MAF: variants seen among roughly 807,000 people sequenced by gnomAD.
The protein encoded by MAF is transcription factor Maf.
Under a neutral mutation model 22.0 loss-of-function variants are expected in MAF, and 10 were observed. The observed-to-expected ratio is 0.45, with a 90% CI of 0.28 to 0.77. The LOEUF (loss-of-function observed/expected upper bound fraction) is 0.77. MAF is among the 30% of genes least tolerant of loss of function. MAF has a pLI of 0.12. For synonymous variants in MAF, 337 were observed against 255.8 expected (o/e 1.32, Z -3.03); for missense variants, 544 against 548.4 (o/e 0.99, Z 0.08).
At chr16:79,586,089 G>A in intron 1 of MAF, 1 of 530,674 alleles carries the variant, frequency 1.9e-6, no homozygotes, top group South Asian at 2.9e-5. Context: ...ATTTGCTTTT[G>A]GGTGGTGGCC....
the MAF span, among the ~76,000 whole-genome samples, chr16:79,323,574 G>A: frequency 6.6e-6 from 1 of 152,142 alleles, no homozygotes; most frequent in Non-Finnish European, 1.5e-5. Flanking sequence ...GCCGAGTTTT[G>A]GAAACGCACA....
chr16:79,433,917 C>G, the MAF span, among the ~76,000 whole-genome samples: 1 of 152,164 alleles, frequency 6.6e-6, no homozygotes, highest in African/African-American at 2.4e-5. Flanking sequence ...GAGTTTGTTC[C>G]TTTAGATGGG....
chr16:79,422,980 C>G, the MAF span, among the ~76,000 whole-genome samples: 1 of 151,860 alleles, frequency 6.6e-6, no homozygotes, highest in Non-Finnish European at 1.5e-5. Flanking sequence ...AAGGGGAAAC[C>G]AACTAGGATA....
At chr16:79,276,528 CTT>C in the MAF span, among the ~76,000 whole-genome samples, 1 of 152,250 alleles carries the variant, frequency 6.6e-6, no homozygotes, top group East Asian at 1.9e-4. Flanking sequence ...ATAAAAGAAA[CTT>C]TTAAAATTTG....
At chr16:79,598,675 G>T (rs1913747729) in intron 1 of MAF, 110 bp downstream of exon 1, 3 of 1,553,524 alleles carry the variant, frequency 1.9e-6, no homozygotes, top group East Asian at 2.4e-5. Context: ...GGGGGTGGGG[G>T]TGGTGAGGTG....
At chr16:79,318,235 C>T in the MAF span, among the ~76,000 whole-genome samples, 1 of 152,130 alleles carries the variant, frequency 6.6e-6, no homozygotes, top group Non-Finnish European at 1.5e-5. Flanking sequence ...CCACCTGTTC[C>T]CAGGTTGCAT....
the MAF span, among the ~76,000 whole-genome samples, chr16:79,347,664 C>T: frequency 2.6e-5 from 4 of 152,218 alleles, no homozygotes; most frequent in African/African-American, 7.2e-5. Flanking sequence ...CAGTCAGCTC[C>T]GCCGGGCTGG....
At chr16:79,272,209 C>A in the MAF span, among the ~76,000 whole-genome samples, 1 of 152,334 alleles carries the variant, frequency 6.6e-6, no homozygotes, top group East Asian at 1.9e-4. Context: ...CGCTCAGAGA[C>A]AGAGGCGTTG....
chr16:79,339,491 T>C, the MAF span, among the ~76,000 whole-genome samples: 1 of 152,222 alleles, frequency 6.6e-6, no homozygotes, highest in South Asian at 2.1e-4. Flanking sequence ...CCTGAATCAC[T>C]GTATGGAAGA....
At chr16:79,526,521 T>A in the MAF span, among the ~76,000 whole-genome samples, 1 of 152,194 alleles carries the variant, frequency 6.6e-6, no homozygotes, top group East Asian at 1.9e-4. Flanking sequence ...ACCACTTCCC[T>A]AGACAATATG....
the MAF span, among the ~76,000 whole-genome samples, chr16:79,397,819 G>T: frequency 6.6e-6 from 1 of 152,204 alleles, no homozygotes; most frequent in African/African-American, 2.4e-5. Context: ...GAAGTTAGAA[G>T]AACCTGAGGC....
At chr16:79,494,821 G>A in the MAF span, among the ~76,000 whole-genome samples, 6 of 152,246 alleles carry the variant, frequency 3.9e-5, no homozygotes, top group African/African-American at 9.6e-5. Flanking sequence ...CTGGGCCTCT[G>A]GGACATCTGA....
At chr16:79,561,734 A>C in the MAF span, among the ~76,000 whole-genome samples, 15,750 of 152,230 alleles carry the variant, frequency 0.1, 874 homozygotes, top group African/African-American at 0.12. Context: ...CTTCAAAGCC[A>C]AATAAAAATT....
chr16:79,255,401 G>A, the MAF span, among the ~76,000 whole-genome samples: 1 of 152,180 alleles, frequency 6.6e-6, no homozygotes, highest in Non-Finnish European at 1.5e-5. Context: ...TACCTCCTGT[G>A]TCAAGTGACA....
the MAF span, among the ~76,000 whole-genome samples, chr16:79,316,824 G>C: frequency 6.6e-6 from 1 of 152,102 alleles, no homozygotes; most frequent in African/African-American, 2.4e-5. Context: ...CTTCCTCTCT[G>C]GGCTGGTTGC....
chr16:79,596,456 A>G, intron 1 of MAF: 1 of 1,053,562 alleles, frequency 9.5e-7, no homozygotes, highest in Non-Finnish European at 1.1e-6. Context: ...GTTAAACTGT[A>G]CACTAAGAAA....
At chr16:79,353,187 T>C in the MAF span, among the ~76,000 whole-genome samples, 7 of 151,752 alleles carry the variant, frequency 4.6e-5, no homozygotes, top group Non-Finnish European at 1.0e-4. Flanking sequence ...AGCTGCGCAA[T>C]CTCAGCTCAC....
At chr16:79,534,266 G>C in the MAF span, among the ~76,000 whole-genome samples, 2 of 152,144 alleles carry the variant, frequency 1.3e-5, no homozygotes, top group Admixed American at 6.6e-5. Context: ...TTAAAATAAA[G>C]TTAGGTGTCA....
chr16:79,545,395 CAA>C, the MAF span, among the ~76,000 whole-genome samples: 11 of 152,150 alleles, frequency 7.2e-5, no homozygotes, highest in East Asian at 2.1e-3. Flanking sequence ...CAAAAAGTAT[CAA>C]GAGATTCAAG....
Sources: allele counts gnomAD v4.1 joint callset (sites outside exome capture counted in the v4.1 genomes callset), GRCh38; gene constraint gnomAD v4.1.1; transcripts MANE v1.5; gene names NCBI Gene and HGNC (gene_info 2026-07-23, HGNC 2026-07-21).